MBD5: variants seen among roughly 807,000 people sequenced by gnomAD.
MBD5 encodes methyl-CpG-binding domain protein 5.
A neutral mutation model predicts 117.3 loss-of-function variants in MBD5; 13 were observed. That is an observed-to-expected ratio of 0.11 (90% CI 0.07 to 0.18). MBD5 has a LOEUF of 0.18. Among genes scored for constraint, MBD5 ranks in the 10% least tolerant of loss-of-function variants. The pLI, the probability that MBD5 is intolerant of heterozygous loss-of-function variation, is 1.00. For missense variants in MBD5, 1,879 were observed against 2,093.8 expected, an observed-to-expected ratio of 0.90 and a Z score of 2.00; for synonymous variants, 727 against 766.4, an observed-to-expected ratio of 0.95 and a Z score of 0.85.
intron 3 of MBD5, among the ~76,000 whole-genome samples, chr2:148,292,114 A>G (rs1396717051): frequency 3.3e-5 from 5 of 152,224 alleles, no homozygotes; most frequent in South Asian, 4.1e-4. Context: ...TGAAATTACT[A>G]CAAGAAAACA....
intron 1 of MBD5, among the ~76,000 whole-genome samples, chr2:148,034,030 G>T (rs1454459368): frequency 6.6e-6 from 1 of 152,018 alleles, no homozygotes; most frequent in Non-Finnish European, 1.5e-5. Flanking sequence ...CCTCATTTCT[G>T]CAAAAAATGC....
At chr2:148,084,534 T>C (rs1695729599) in intron 1 of MBD5, among the ~76,000 whole-genome samples, 1 of 152,208 alleles carries the variant, frequency 6.6e-6, no homozygotes. Context: ...TCCATGGAAA[T>C]TTAGGCCAAT....
chr2:148,242,573 CAAA>C (rs995995656), intron 3 of MBD5, among the ~76,000 whole-genome samples: 2 of 152,034 alleles, frequency 1.3e-5, no homozygotes, highest in Admixed American at 6.6e-5. Context: ...TCTTTTCTAT[CAAA>C]GAAGAATGAG....
At chr2:148,425,147 AAAG>A (rs1471081621) in intron 4 of MBD5, among the ~76,000 whole-genome samples, 2 of 152,176 alleles carry the variant, frequency 1.3e-5, no homozygotes, top group African/African-American at 2.4e-5. Context: ...CCAGACTAAT[AAAG>A]AAGGACAGAG....
chr2:148,314,723 G>A (rs1454609143), intron 3 of MBD5, among the ~76,000 whole-genome samples: 1 of 152,042 alleles, frequency 6.6e-6, no homozygotes, highest in Non-Finnish European at 1.5e-5. Flanking sequence ...GTCTGCCACT[G>A]TACCCAGCCT....
intron 2 of MBD5, among the ~76,000 whole-genome samples, chr2:148,201,335 G>A (rs1297521957): frequency 6.6e-6 from 1 of 152,232 alleles, no homozygotes; most frequent in Non-Finnish European, 1.5e-5. Context: ...GTGGGCTCTG[G>A]TCTCCGGACG....
intron 3 of MBD5, among the ~76,000 whole-genome samples, chr2:148,313,576 C>T (rs1425012144): frequency 6.6e-6 from 1 of 152,188 alleles, no homozygotes; most frequent in Non-Finnish European, 1.5e-5. Flanking sequence ...ACTTACTGGG[C>T]TCTGTGGGAG....
chr2:148,415,254 T>C (rs1269941011), intron 4 of MBD5, among the ~76,000 whole-genome samples: 1 of 151,840 alleles, frequency 6.6e-6, no homozygotes, highest in Non-Finnish European at 1.5e-5. Context: ...TGAAATTCTT[T>C]CTTGGAATTT....
chr2:148,088,557 A>G (rs777832158), intron 1 of MBD5, among the ~76,000 whole-genome samples: 3 of 152,198 alleles, frequency 2.0e-5, no homozygotes, highest in Non-Finnish European at 4.4e-5. Context: ...TCCTATTTTT[A>G]GCCTCTTCAA....
At chr2:148,297,554 A>G (rs1701683820) in intron 3 of MBD5, among the ~76,000 whole-genome samples, 1 of 152,180 alleles carries the variant, frequency 6.6e-6, no homozygotes, top group Non-Finnish European at 1.5e-5. Context: ...ACCCCAGGGA[A>G]CAAACTGCTG....
intron 1 of MBD5, among the ~76,000 whole-genome samples, chr2:148,124,776 C>T (rs1265180923): frequency 1.3e-5 from 2 of 151,822 alleles, no homozygotes; most frequent in African/African-American, 4.8e-5. Context: ...TTTCTGAAAT[C>T]TGGAGTATCC....
Position 148,480,870 on chromosome 2 carries a change from T to TA in MBD5, c.2519-2231dup, listed in dbSNP as rs796949348. Among the ~76,000 whole-genome samples, 30 of 151,036 alleles carry TA rather than the reference T, an allele frequency of 2.0e-4. 1 individual carries two copies. The South Asian group carries it at 4.6e-3, about 23-fold the overall frequency. On this transcript the variant is annotated intron_variant, in intron 8 of 13. Transcript: ENST00000642680. ...CTCATTCTTTAAAACACTGAAAACTTAAAAAAAAATAAAGGCAGACCAAGA... is the reference window on the plus strand; with the variant it reads ...CTCATTCTTTAAAACACTGAAAACTTAAAAAAAAAATAAAGGCAGACCAAGA...
At chr2:148,185,678 G>T (rs1004589208) in intron 2 of MBD5, among the ~76,000 whole-genome samples, 1 of 152,050 alleles carries the variant, frequency 6.6e-6, no homozygotes, top group South Asian at 2.1e-4. Context: ...GAGGTGAGAG[G>T]ATCACTTGAG....
chr2:148,147,830 T>C (rs1242348143), intron 1 of MBD5, among the ~76,000 whole-genome samples: 1 of 152,178 alleles, frequency 6.6e-6, no homozygotes, highest in Non-Finnish European at 1.5e-5. Context: ...GACTGTTTAC[T>C]ACTCTGTCTT....
At chr2:148,178,470 C>G (rs1162716970) in intron 1 of MBD5, among the ~76,000 whole-genome samples, 1 of 152,178 alleles carries the variant, frequency 6.6e-6, no homozygotes, top group Non-Finnish European at 1.5e-5. Flanking sequence ...GTACTCAACT[C>G]TGTGACATGG....
Position 148,468,284 on chromosome 2 carries a change from C to A in MBD5, c.398-57C>A. 2 of 1,456,522 alleles carry A rather than the reference C, an allele frequency of 1.4e-6. 1 individual carries two copies. Among genetic ancestry groups the A allele is most frequent in the South Asian group, 2.3e-5 (2 of 85,492 alleles). The allele number at this position is 1,456,522 out of a possible 1,614,324, so 90.2% of individuals were successfully genotyped here. ...GATTTCCTCCATTCCTTCCCTCCCT[C>A]CCACCACAAAAGAGTTGAGACTGTT... is the stretch of plus-strand genomic sequence containing the variant. On this transcript the variant is annotated intron_variant, in intron 7 of 13. Coordinates refer to ENST00000642680, the MANE Select transcript of MBD5 (RefSeq NM_001378120.1).
intron 1 of MBD5, among the ~76,000 whole-genome samples, chr2:148,147,168 G>A (rs977643377): frequency 4.6e-5 from 7 of 151,752 alleles, no homozygotes; most frequent in Admixed American, 3.9e-4. Context: ...CTTTGTATAA[G>A]CCACACTTTC....
At chr2:148,336,865 C>A (rs561649780) in intron 3 of MBD5, among the ~76,000 whole-genome samples, 1 of 152,302 alleles carries the variant, frequency 6.6e-6, no homozygotes, top group South Asian at 2.1e-4. Flanking sequence ...GTTCCGCTTG[C>A]TTGGCCTCTG....
Position 148,224,640 on chromosome 2 carries a change from C to T in MBD5, c.-830-8605C>T, listed in dbSNP as rs890623931. ...CCTCCCAAAGTGCTAGGATTACAGG[C>T]GTGAGCCACCACACCTGGCTGCCTC... On this transcript the variant is annotated intron_variant, in intron 2 of 13. Coordinates refer to ENST00000642680, the MANE Select transcript of MBD5 (RefSeq NM_001378120.1). Among the ~76,000 whole-genome samples, 4 of 149,674 alleles carry T rather than the reference C, an allele frequency of 2.7e-5. No homozygotes were observed. In the South Asian group the frequency reaches 6.3e-4, roughly 24 times the overall value.
Sources: gnomAD v4.1 joint callset for allele counts (sites outside exome capture counted in the v4.1 genomes callset) on GRCh38, gnomAD v4.1.1 for gene constraint, MANE v1.5 for transcripts, NCBI Gene and HGNC (gene_info 2026-07-23, HGNC 2026-07-21) for gene names.